KCNK12: variants seen among roughly 807,000 people sequenced by gnomAD.
KCNK12 encodes the protein potassium two pore domain channel subfamily K member 12.
In KCNK12, 6 loss-of-function variants were observed where a neutral mutation model predicts 25.3. That is an observed-to-expected ratio of 0.24 (90% confidence interval 0.13 to 0.47). The LOEUF (loss-of-function observed/expected upper bound fraction) is 0.47, where lower values mean the gene tolerates loss of function less well. Among genes scored for constraint, KCNK12 ranks in the 20% least tolerant of loss-of-function variants. KCNK12 has a pLI of 0.99. For synonymous variants in KCNK12, 331 were observed against 311.1 expected, an observed-to-expected ratio of 1.06 and a Z score of -0.67; for missense variants, 444 against 661.7, an observed-to-expected ratio of 0.67 and a Z score of 3.61.
intron 1 of KCNK12, among the ~76,000 whole-genome samples, chr2:47,539,965 G>A (rs966547327): frequency 3.9e-5 from 6 of 152,180 alleles, no homozygotes; most frequent in African/African-American, 1.4e-4. Context: ...GGTTGATCCA[G>A]CCCCCACTAC....
At position 47,521,640 on chromosome 2, in the gene KCNK12, C is replaced by G; in HGVS notation, c.560G>C (p.Ser187Thr). ...RACRERQLRRSGLLPATFRRG... is the reference protein window; with the variant it reads ...RACRERQLRRTGLLPATFRRG... ...GCGGAAGGTGGCGGGCAGCAGGCCG[C>G]TGCGGCGCAGCTGGCGCTCCCGGCA... The change falls in exon 2 of 2, where the codon AGC becomes ACC. Residue 187 changes from serine (S) to threonine (T), a missense_variant. Ser to Thr is a moderately conservative substitution (Grantham distance 58, BLOSUM62 1). Coordinates refer to ENST00000327876, the MANE Select transcript of KCNK12 (RefSeq NM_022055.2). 2 of 1,588,596 alleles carry G rather than the reference C, an allele frequency of 1.3e-6. No homozygotes were observed. The highest frequency in any genetic ancestry group is 1.7e-6 in the Non-Finnish European group (2 of 1,170,214).
At chr2:47,550,530 G>C (rs1197230785) in intron 1 of KCNK12, among the ~76,000 whole-genome samples, 2 of 151,696 alleles carry the variant, frequency 1.3e-5, no homozygotes, top group Non-Finnish European at 2.9e-5. Flanking sequence ...TTACAAGCGT[G>C]TCCCACCATG....
At chr2:47,559,945 T>C (rs1348103117) in intron 1 of KCNK12, among the ~76,000 whole-genome samples, 2 of 151,902 alleles carry the variant, frequency 1.3e-5, no homozygotes, top group East Asian at 3.9e-4. Context: ...AAGTGCGAGG[T>C]AAGGGGGACA....
intron 1 of KCNK12, among the ~76,000 whole-genome samples, chr2:47,537,080 C>T (rs1669088559): frequency 1.3e-5 from 2 of 152,202 alleles, no homozygotes; most frequent in Admixed American, 1.3e-4. Flanking sequence ...TGCTCCATGG[C>T]AGATCCTCCC....
chr2:47,563,742 A>G (rs1669732832), intron 1 of KCNK12: 1 of 232,872 alleles, frequency 4.3e-6, no homozygotes, highest in Non-Finnish European at 8.5e-6. Flanking sequence ...TGTTGACAAA[A>G]TGGTCTACAT....
At position 47,569,587 on chromosome 2, in the gene KCNK12, A is replaced by C. The variant is rs1407189825; in HGVS notation, c.391+354T>G. Among the ~76,000 whole-genome samples, 2 of 152,114 alleles carry C rather than the reference A, an allele frequency of 1.3e-5. No homozygotes were observed. Among genetic ancestry groups the C allele is most frequent in the African/African-American group, 4.8e-5 (2 of 41,430 alleles). ...CTTTTGAGATCATCCTGGAGAGGAA[A>C]CTGAGGCCTGGGGGTTGTGGGTGGA... On this transcript the variant is annotated intron_variant, in intron 1 of 1. Transcript: ENST00000327876. This position sits in a 1 kb window ranked among gnomAD's most constrained non-coding sequence, Gnocchi z 4.1.
Position 47,547,855 on chromosome 2 carries a change from T to C in KCNK12, c.391+22086A>G, listed in dbSNP as rs1266779447. ...CATATAAGTGGTTCTCACTCCTGGC[T>C]ACATATTAGAGTTGATATGGTTTGG... On this transcript the variant is annotated intron_variant, in intron 1 of 1. Transcript: ENST00000327876. The surrounding 1 kb of genome is among the most constrained non-coding windows in gnomAD (Gnocchi z 5.0). Among the ~76,000 whole-genome samples the C allele has an allele frequency of 1.3e-5, 2 of 152,184 alleles. No homozygotes were observed. The highest frequency in any genetic ancestry group is 2.9e-5 in the Non-Finnish European group (2 of 68,036).
rs13420102 is a variant in KCNK12 at position 47,547,507 on chromosome 2, T to G, written c.391+22434A>C. On this transcript the variant is annotated intron_variant, in intron 1 of 1. Coordinates refer to ENST00000327876, the MANE Select transcript of KCNK12 (RefSeq NM_022055.2). The surrounding 1 kb of genome is among the most constrained non-coding windows in gnomAD (Gnocchi z 5.0). ...AGGCTGGAGTGCAATGGCACGATCA[T>G]AGCTCACTGCATCCTTGAATTCCTG... Among the ~76,000 whole-genome samples the G allele has an allele frequency of 0.24, 36,419 of 152,072 alleles. 4,898 individuals are homozygous for G. Among genetic ancestry groups the G allele is most frequent in the East Asian group, 0.37 (1,910 of 5,168 alleles).
chr2:47,563,507 G>T (rs1413319442), intron 1 of KCNK12: 2 of 233,132 alleles, frequency 8.6e-6, no homozygotes, highest in African/African-American at 2.2e-5. Flanking sequence ...GACTTGCTGG[G>T]TAACTTGGGC....
intron 1 of KCNK12, among the ~76,000 whole-genome samples, chr2:47,558,824 C>CGTGTGG (rs1438056382): frequency 6.6e-6 from 1 of 152,154 alleles, no homozygotes; most frequent in African/African-American, 2.4e-5. Context: ...GGTGCTGGGC[C>CGTGTGG]GTGTGGGTGG....
rs150689419 is a variant in KCNK12 at position 47,513,813 on chromosome 2, C to T, written c.*7094G>A. Among the ~76,000 whole-genome samples, 89 of 152,274 alleles carry T rather than the reference C, an allele frequency of 5.8e-4. 1 individual carries two copies. The highest frequency in any genetic ancestry group is 6.8e-3 in the Middle Eastern group (2 of 294). The stretch of plus-strand genomic sequence containing the variant: ...CTCTCTCAGTCTTATCATCCCCATC[C>T]AGGCAAATCATTGATTCTGTGGACC... On this transcript the variant is annotated 3_prime_UTR_variant, in exon 2 of 2. Coordinates refer to ENST00000327876, the MANE Select transcript of KCNK12 (RefSeq NM_022055.2).
chr2:47,531,863 G>T (rs1159666620), intron 1 of KCNK12, among the ~76,000 whole-genome samples: 1 of 152,132 alleles, frequency 6.6e-6, no homozygotes, highest in Admixed American at 6.5e-5. Context: ...TGTCACTTCA[G>T]CCTCTGATTG....
chr2:47,521,345 C>G lies in KCNK12; in HGVS notation c.855G>C (p.Leu285=), dbSNP rs768530722. The G allele has an allele frequency of 6.2e-7, 1 of 1,613,604 alleles. No individual in the cohort carries two copies. The highest frequency in any genetic ancestry group is 8.5e-7 in the Non-Finnish European group (1 of 1,179,862). The change falls in exon 2 of 2, where the codon CTG becomes CTC. Residue 285 remains leucine (L), a synonymous_variant. Transcript: ENST00000327876. ...LYRLGNFLFI[L]LGVCCIYSLF... Reference sequence around the variant, plus strand: ...GCGAGTAAATGCAGCACACGCCGAGCAGGATGAAGAGGAAGTTGCCCAGGC... The same window carrying G: ...GCGAGTAAATGCAGCACACGCCGAGGAGGATGAAGAGGAAGTTGCCCAGGC...
At chr2:47,549,181 T>C (rs1669373234) in intron 1 of KCNK12, among the ~76,000 whole-genome samples, 1 of 152,234 alleles carries the variant, frequency 6.6e-6, no homozygotes, top group Non-Finnish European at 1.5e-5. Flanking sequence ...AGGAAAGGTT[T>C]CACTGAATCC....
At chr2:47,526,457 C>G (rs1668779381) in intron 1 of KCNK12, among the ~76,000 whole-genome samples, 1 of 149,348 alleles carries the variant, frequency 6.7e-6, no homozygotes, top group South Asian at 2.1e-4. Flanking sequence ...ACTGGCTGAG[C>G]CTGGTGGCTC....
rs1158272202 is a variant in KCNK12, at chr2:47,510,142, C to T, written c.*10765G>A. ...GGGAGAGAGCATTTTTTACCTTCTC[C>T]CTGCTACTTCTTGCTACTAGTAACA... is the stretch of plus-strand genomic sequence containing the variant. On this transcript the variant is annotated 3_prime_UTR_variant, in exon 2 of 2. Coordinates refer to ENST00000327876, the MANE Select transcript of KCNK12 (RefSeq NM_022055.2). The T allele has an allele frequency of 6.6e-6, 1 of 152,132 alleles. No individual in the cohort carries two copies. The highest frequency in any genetic ancestry group is 1.5e-5 in the Non-Finnish European group (1 of 68,038). The allele number at this position is 152,132 out of a possible 1,614,324, so 9.4% of individuals were successfully genotyped here.
At position 47,509,297 on chromosome 2, in the gene KCNK12, C is replaced by A. The variant is rs895712017; in HGVS notation, c.*11610G>T. ...GCCATTAAAGACCAAACATTGAGCACTGAGTGAAAAAGTTTTATTGCCAAA... is the reference window on the plus strand; with the variant it reads ...GCCATTAAAGACCAAACATTGAGCAATGAGTGAAAAAGTTTTATTGCCAAA... On this transcript the variant is annotated 3_prime_UTR_variant, in exon 2 of 2. Transcript: ENST00000327876. Among the ~76,000 whole-genome samples, 1 of 152,196 alleles carries A rather than the reference C, an allele frequency of 6.6e-6. No homozygotes were observed. Among genetic ancestry groups the A allele is most frequent in the Non-Finnish European group, 1.5e-5 (1 of 68,040 alleles).
At chr2:47,535,430 G>T (rs1272966227) in intron 1 of KCNK12, among the ~76,000 whole-genome samples, 1 of 151,542 alleles carries the variant, frequency 6.6e-6, no homozygotes, top group East Asian at 1.9e-4. Flanking sequence ...GCGGCTGAGG[G>T]GTAAGGTGCA....
intron 1 of KCNK12, chr2:47,527,853 G>A (rs1464290159): frequency 1.3e-5 from 2 of 152,280 alleles, no homozygotes; most frequent in East Asian, 1.9e-4. Context: ...ATTTACTGTG[G>A]ACAGCATCAG....
Sources: allele counts gnomAD v4.1 joint callset (sites outside exome capture counted in the v4.1 genomes callset), GRCh38; gene constraint gnomAD v4.1.1; non-coding constraint Gnocchi (gnomAD v3.1); transcripts MANE v1.5; gene names NCBI Gene and HGNC (gene_info 2026-07-23, HGNC 2026-07-21).